The following ATOSA variants were observed in gnomAD, a reference collection of about 807,000 sequenced individuals.
The protein encoded by ATOSA is atos homolog A.
chr15:52,585,799 A>G, the ATOSA span, among the ~76,000 whole-genome samples: 1 of 152,220 alleles, frequency 6.6e-6, no homozygotes, highest in Non-Finnish European at 1.5e-5. Flanking sequence ...CAACACATCA[A>G]TAGGTAACTT....
chr15:52,702,107 C>CA, the ATOSA span, among the ~76,000 whole-genome samples: 3 of 151,960 alleles, frequency 2.0e-5, no homozygotes. Flanking sequence ...ATAAAAAAGT[C>CA]AAAAAACAAC....
At chr15:52,652,260 C>G in the ATOSA span, among the ~76,000 whole-genome samples, 9 of 152,326 alleles carry the variant, frequency 5.9e-5, 1 homozygote, top group East Asian at 1.7e-3. Context: ...GCAAAGTATT[C>G]TAGCGTTTGC....
chr15:52,663,153 C>T, the ATOSA span, among the ~76,000 whole-genome samples: 2 of 152,198 alleles, frequency 1.3e-5, no homozygotes, highest in African/African-American at 4.8e-5. Context: ...CACACCTTAA[C>T]TCATTCCCTC....
At chr15:52,606,719 C>T in the ATOSA span, among the ~76,000 whole-genome samples, 1 of 152,130 alleles carries the variant, frequency 6.6e-6, no homozygotes, top group Non-Finnish European at 1.5e-5. Flanking sequence ...GACAATTATA[C>T]TTTTAGAAAA....
At chr15:52,611,598 C>A in the ATOSA span, 1 of 1,614,008 alleles carries the variant, frequency 6.2e-7, no homozygotes, top group Non-Finnish European at 8.5e-7. Context: ...GCTCCAAGAT[C>A]CATCTTTCTA....
At chr15:52,638,656 G>A in the ATOSA span, among the ~76,000 whole-genome samples, 3 of 142,582 alleles carry the variant, frequency 2.1e-5, no homozygotes, top group South Asian at 2.2e-4. Context: ...AGTTAAGATC[G>A]CACCACTGCA....
chr15:52,608,454 G>C, the ATOSA span: 1 of 978,836 alleles, frequency 1.0e-6, no homozygotes, highest in South Asian at 2.0e-5. Context: ...CTATCAGACT[G>C]TGTGTCCTAT....
the ATOSA span, among the ~76,000 whole-genome samples, chr15:52,705,058 T>C: frequency 6.6e-6 from 1 of 152,200 alleles, no homozygotes; most frequent in African/African-American, 2.4e-5. Flanking sequence ...TGCACACATA[T>C]GTTTATTGCG....
chr15:52,648,466 G>A, the ATOSA span, among the ~76,000 whole-genome samples: 1 of 151,996 alleles, frequency 6.6e-6, no homozygotes, highest in African/African-American at 2.4e-5. Flanking sequence ...TTTTCTTTGT[G>A]CTGGGAACAT....
At chr15:52,593,748 A>C in the ATOSA span, 2 of 1,518,340 alleles carry the variant, frequency 1.3e-6, no homozygotes, top group Non-Finnish European at 1.8e-6. Context: ...TGGAAGACAA[A>C]ATAATTTTAA....
the ATOSA span, among the ~76,000 whole-genome samples, chr15:52,632,416 A>C: frequency 6.6e-6 from 1 of 152,212 alleles, no homozygotes; most frequent in Admixed American, 6.5e-5. Context: ...GAAATCTGAT[A>C]CTTTTCTATG....
At chr15:52,584,657 G>A in the ATOSA span, 1 of 1,133,174 alleles carries the variant, frequency 8.8e-7, no homozygotes, top group Non-Finnish European at 1.2e-6. Context: ...AGGGACACTG[G>A]TCTAGTTAGA....
chr15:52,654,056 C>T, the ATOSA span, among the ~76,000 whole-genome samples: 1 of 152,086 alleles, frequency 6.6e-6, no homozygotes, highest in African/African-American at 2.4e-5. Flanking sequence ...TTAACCTTTT[C>T]CTATCTCCTA....
chr15:52,707,336 T>C, the ATOSA span, among the ~76,000 whole-genome samples: 1 of 152,166 alleles, frequency 6.6e-6, no homozygotes, highest in South Asian at 2.1e-4. Flanking sequence ...ATAATTAAAA[T>C]TAACACCACT....
chr15:52,629,657 C>G, the ATOSA span: 1 of 413,770 alleles, frequency 2.4e-6, no homozygotes, highest in Non-Finnish European at 4.9e-6. Flanking sequence ...CAAAAATTAT[C>G]TGGGCCTGAT....
chr15:52,676,348 G>A, the ATOSA span, among the ~76,000 whole-genome samples: 1 of 152,146 alleles, frequency 6.6e-6, no homozygotes, highest in Non-Finnish European at 1.5e-5. Flanking sequence ...AATTGGTGAA[G>A]AAATCAATTC....
chr15:52,593,582 T>A, the ATOSA span: 1 of 1,563,662 alleles, frequency 6.4e-7, no homozygotes, highest in Non-Finnish European at 8.7e-7. Flanking sequence ...ACTTGCCATA[T>A]AAGGAGAGGG....
At chr15:52,700,086 G>A in the ATOSA span, among the ~76,000 whole-genome samples, 1 of 152,132 alleles carries the variant, frequency 6.6e-6, no homozygotes, top group Non-Finnish European at 1.5e-5. Context: ...TAACTGAAAA[G>A]ATTGACCATC....
chr15:52,705,755 C>T, the ATOSA span, among the ~76,000 whole-genome samples: 3 of 152,316 alleles, frequency 2.0e-5, no homozygotes, highest in East Asian at 5.8e-4. Flanking sequence ...ACACCCCCAG[C>T]CCCACCATCT....
Sources: gnomAD v4.1 joint callset for allele counts (sites outside exome capture counted in the v4.1 genomes callset) on GRCh38, gnomAD v4.1.1 for gene constraint, MANE v1.5 for transcripts, NCBI Gene and HGNC (gene_info 2026-07-23, HGNC 2026-07-21) for gene names.